Variants in SGCZ observed in about 807,000 individuals in gnomAD.
SGCZ encodes zeta-sarcoglycan.
In SGCZ, 40 loss-of-function variants were observed where a neutral mutation model predicts 41.3. That is an observed-to-expected ratio of 0.97 (90% CI 0.75 to 1.26). The LOEUF is 1.26. Among genes scored for constraint, SGCZ ranks in the 50% most tolerant of loss-of-function variants. The probability of loss-of-function intolerance (pLI) is 0.00; values close to 1 mark genes in which losing one functional copy is unlikely to be tolerated. For synonymous variants in SGCZ, 206 were observed against 137.5 expected (o/e 1.50, Z -3.49); for missense variants, 552 against 369.8 (o/e 1.49, Z -4.04).
chr8:14,860,706 A>AAGAG (rs144029185), intron 1 of SGCZ, among the ~76,000 whole-genome samples: 1 of 96,098 alleles, frequency 1.0e-5, no homozygotes, highest in East Asian at 2.8e-4. Flanking sequence ...GAAAGAAAGA[A>AAGAG]AGAGAAAGAA....
rs539500085 is a variant in SGCZ at position 14,356,781 on chromosome 8, T to C, written c.235-32577A>G. ...TAATTCAAGAAAATACGATTGCAAATAATACTAGGTAGGGCCAATAACCAC... is the reference window on the plus strand; with the variant it reads ...TAATTCAAGAAAATACGATTGCAAACAATACTAGGTAGGGCCAATAACCAC... On this transcript the variant is annotated intron_variant, in intron 2 of 7. Transcript: ENST00000382080. Among the ~76,000 whole-genome samples the C allele has an allele frequency of 1.6e-3, 247 of 152,194 alleles. 2 individuals carry two copies. Among genetic ancestry groups the C allele is most frequent in the African/African-American group, 5.2e-3 (218 of 41,570 alleles).
At chr8:14,606,836 T>C (rs1356071027) in intron 1 of SGCZ, among the ~76,000 whole-genome samples, 4 of 152,148 alleles carry the variant, frequency 2.6e-5, no homozygotes, top group Admixed American at 6.6e-5. Flanking sequence ...TTAGTGATAA[T>C]AGTGGCTTTT....
chr8:15,013,008 G>T (rs1802896813), intron 1 of SGCZ, among the ~76,000 whole-genome samples: 2 of 151,968 alleles, frequency 1.3e-5, no homozygotes, highest in African/African-American at 4.8e-5. Flanking sequence ...CTGTAGTATG[G>T]TGTCTGGTGC....
At chr8:14,725,723 G>C (rs904255096) in intron 1 of SGCZ, among the ~76,000 whole-genome samples, 1 of 152,124 alleles carries the variant, frequency 6.6e-6, no homozygotes, top group African/African-American at 2.4e-5. Context: ...AAATAGAGAA[G>C]GAGTGTTTTC....
intron 7 of SGCZ, among the ~76,000 whole-genome samples, chr8:14,101,933 C>T (rs931169243): frequency 6.6e-6 from 1 of 151,620 alleles, no homozygotes; most frequent in Non-Finnish European, 1.5e-5. Context: ...CGCTCTGTCG[C>T]CCCAGGCTGG....
intron 1 of SGCZ, among the ~76,000 whole-genome samples, chr8:15,127,452 A>G (rs2116965118): frequency 6.6e-6 from 1 of 152,314 alleles, no homozygotes; most frequent in Middle Eastern, 3.4e-3. Context: ...AGATATAGAG[A>G]GCAGTTCTGG....
At position 14,569,638 on chromosome 8, in the gene SGCZ, A is replaced by G. The variant is rs144154068; in HGVS notation, c.40-14712T>C. ...AGACAGTGAAGAAAACATAAATGTA[A>G]CATATGGTAAGTGAGATGTTAAGAG... On this transcript the variant is annotated intron_variant, in intron 1 of 7. Transcript: ENST00000382080. Among the ~76,000 whole-genome samples the G allele has an allele frequency of 1.4e-3, 213 of 152,324 alleles. 3 individuals are homozygous for G. The highest frequency in any genetic ancestry group is 4.8e-3 in the African/African-American group (200 of 41,578).
chr8:14,796,873 T>C (rs972698482), intron 1 of SGCZ, among the ~76,000 whole-genome samples: 1 of 152,150 alleles, frequency 6.6e-6, no homozygotes, highest in African/African-American at 2.4e-5. Context: ...CAAGATCTGA[T>C]GGTTTTATAA....
At chr8:15,197,671 C>T (rs563138426) in intron 1 of SGCZ, among the ~76,000 whole-genome samples, 48 of 152,200 alleles carry the variant, frequency 3.2e-4, no homozygotes, top group African/African-American at 8.2e-4. Context: ...TAAGACCCAG[C>T]GGCGTCCAAC....
At chr8:14,987,232 G>A (rs2046098) in intron 1 of SGCZ, among the ~76,000 whole-genome samples, 119,768 of 151,818 alleles carry the variant, frequency 0.79, 47,883 homozygotes, top group African/African-American at 0.91. Context: ...AGATAAGAAT[G>A]AAATATACTG....
At chr8:15,146,668 G>A (rs2117008911) in intron 1 of SGCZ, among the ~76,000 whole-genome samples, 1 of 152,312 alleles carries the variant, frequency 6.6e-6, no homozygotes, top group Admixed American at 6.5e-5. Context: ...AGTAACCTCT[G>A]TGAGCATGGG....
chr8:14,813,015 G>C (rs1339912614), intron 1 of SGCZ, among the ~76,000 whole-genome samples: 2 of 152,076 alleles, frequency 1.3e-5, no homozygotes, highest in African/African-American at 4.8e-5. Flanking sequence ...TCTGAAGAGA[G>C]TCTAAAATAA....
chr8:15,180,140 T>G (rs529658696), intron 1 of SGCZ, among the ~76,000 whole-genome samples: 1 of 152,182 alleles, frequency 6.6e-6, no homozygotes, highest in South Asian at 2.1e-4. Flanking sequence ...ACCCTAGTCA[T>G]GATAACAAGG....
chr8:15,026,662 C>G (rs1022464068), intron 1 of SGCZ, among the ~76,000 whole-genome samples: 6 of 152,134 alleles, frequency 3.9e-5, no homozygotes, highest in Non-Finnish European at 5.9e-5. Context: ...ATTCATTGTC[C>G]AAGCCATTCT....
intron 1 of SGCZ, among the ~76,000 whole-genome samples, chr8:14,978,843 G>C (rs558903684): frequency 3.7e-4 from 57 of 152,112 alleles, no homozygotes; most frequent in Non-Finnish European, 6.3e-4. Flanking sequence ...CTGTCACCCA[G>C]GCTGGAGTGC....
At chr8:14,588,118 T>C (rs1253973522) in intron 1 of SGCZ, among the ~76,000 whole-genome samples, 1 of 152,002 alleles carries the variant, frequency 6.6e-6, no homozygotes, top group Admixed American at 6.6e-5. Context: ...TCAGGTATAT[T>C]AGTAAGAATT....
At chr8:14,203,116 G>C (rs1214658628) in intron 4 of SGCZ, among the ~76,000 whole-genome samples, 2 of 152,162 alleles carry the variant, frequency 1.3e-5, no homozygotes. Context: ...CCAGCCATGT[G>C]GAACTGTAAG....
intron 2 of SGCZ, among the ~76,000 whole-genome samples, chr8:14,351,859 T>C (rs1037022191): frequency 2.0e-5 from 3 of 152,074 alleles, no homozygotes; most frequent in African/African-American, 4.8e-5. Flanking sequence ...GCATTGGGCT[T>C]TTAAGTAGAT....
chr8:14,551,474 T>TC (rs1563404145), intron 2 of SGCZ, among the ~76,000 whole-genome samples: 112 of 3,632 alleles, frequency 0.031, 32 homozygotes, highest in Non-Finnish European at 0.061. Context: ...TTATATATAT[T>TC]ATATATTATA....
Sources: allele counts gnomAD v4.1 joint callset (sites outside exome capture counted in the v4.1 genomes callset), GRCh38; gene constraint gnomAD v4.1.1; transcripts MANE v1.5; gene names NCBI Gene and HGNC (gene_info 2026-07-23, HGNC 2026-07-21).